LCT: variants seen among roughly 807,000 people sequenced by gnomAD.
LCT encodes the protein lactase.
Under a neutral mutation model 173.0 loss-of-function variants are expected in LCT, and 90 were observed. That is an observed-to-expected ratio of 0.52 (90% confidence interval 0.44 to 0.62). The LOEUF (loss-of-function observed/expected upper bound fraction) is 0.62. LCT is among the 20% of genes least tolerant of loss of function. LCT has a pLI of 0.00. For missense variants in LCT, 1,864 were observed against 2,431.4 expected (o/e 0.77, Z 4.91); for synonymous variants, 853 against 957.6 (o/e 0.89, Z 2.02).
At position 135,834,559 on chromosome 2, in the gene LCT, G is replaced by A. The variant is rs1365044262; in HGVS notation, c.641-1369C>T. Among the ~76,000 whole-genome samples, 5 of 148,920 alleles carry A rather than the reference G, an allele frequency of 3.4e-5. No individual in the cohort carries two copies. In the South Asian group the frequency reaches 6.4e-4, roughly 19 times the overall value. ...TCCCAGCATTTTGGGAGTCCGAGGCGGGCGGATCACCTGAGATCAGAAGTT... is the reference window on the plus strand; with the variant it reads ...TCCCAGCATTTTGGGAGTCCGAGGCAGGCGGATCACCTGAGATCAGAAGTT... On this transcript the variant is annotated intron_variant, in intron 1 of 16. Coordinates refer to ENST00000264162, the MANE Select transcript of LCT (RefSeq NM_002299.4).
intron 7 of LCT, among the ~76,000 whole-genome samples, chr2:135,810,808 T>C (rs1170182059): frequency 1.3e-5 from 2 of 150,464 alleles, no homozygotes; most frequent in East Asian, 1.9e-4. Flanking sequence ...AGGCGGATCA[T>C]GAGGTCAGGA....
At chr2:135,799,020 C>T (rs1440534529) in intron 12 of LCT, among the ~76,000 whole-genome samples, 4 of 152,090 alleles carry the variant, frequency 2.6e-5, no homozygotes, top group African/African-American at 9.7e-5. Flanking sequence ...CGTTTCCTGA[C>T]GTTTGAAGTT....
chr2:135,806,677 G>C (rs925874242), intron 9 of LCT, among the ~76,000 whole-genome samples: 1 of 152,234 alleles, frequency 6.6e-6, no homozygotes, highest in African/African-American at 2.4e-5. Flanking sequence ...GGCTGTACAG[G>C]TTTGTAGCCT....
rs386833836 is a variant in LCT at position 135,794,750 on chromosome 2, TCTCA to T, written c.4998_5001del (p.Ser1666ArgfsTer56). ...TCATAGGTGCCGTTGATCCTCCTCT[TCTCA>T]CTCTCTGTAAATTCTGGCAGCCTGG... On this transcript the variant is annotated frameshift_variant, in exon 14 of 17. Coordinates refer to ENST00000264162, the MANE Select transcript of LCT (RefSeq NM_002299.4). LOFTEE classifies it high-confidence loss of function. 9.9e-6 allele frequency: 16 copies of T among 1,614,030 alleles called. No individual in the cohort carries two copies. Among genetic ancestry groups the T allele is most frequent in the Non-Finnish European group, 8.5e-7 (1 of 1,180,022 alleles).
intron 16 of LCT, 44 bp downstream of exon 16, chr2:135,789,527 C>A: frequency 7.1e-7 from 1 of 1,406,756 alleles, no homozygotes. Flanking sequence ...CTTCCACCTG[C>A]CCTTCACCCT....
chr2:135,824,150 C>T (rs1421433530), intron 3 of LCT, 147 bp from the exon 4 acceptor site: 3 of 694,674 alleles, frequency 4.3e-6, no homozygotes, highest in South Asian at 3.1e-5. Context: ...AAGGAGTCAA[C>T]TCTAGACTCT....
chr2:135,801,664 G>A (rs1159753111), intron 11 of LCT, among the ~76,000 whole-genome samples: 4 of 151,468 alleles, frequency 2.6e-5, no homozygotes, highest in African/African-American at 7.3e-5. Flanking sequence ...GCAGTGAGCC[G>A]AGGGGTTCAA....
chr2:135,836,013 T>C (rs1452713260), intron 1 of LCT, among the ~76,000 whole-genome samples: 1 of 14,030 alleles, frequency 7.1e-5, no homozygotes, highest in East Asian at 2.5e-3. Context: ...TATATATATA[T>C]ATGTATACAT....
At chr2:135,808,168 C>T (rs1671184509) in intron 8 of LCT, among the ~76,000 whole-genome samples, 1 of 152,096 alleles carries the variant, frequency 6.6e-6, no homozygotes, top group Non-Finnish European at 1.5e-5. Context: ...AGAACTTGCT[C>T]AGTAATGAAT....
chr2:135,804,771 G>A lies in LCT; in HGVS notation c.4460C>T (p.Pro1487Leu), dbSNP rs750468354. 1 of 1,612,552 alleles carries A rather than the reference G, an allele frequency of 6.2e-7. No individual in the cohort carries two copies. Residue 1487 changes from proline (P) to leucine (L), a missense_variant, in exon 10 of 17, where the codon CCC becomes CTC. Coordinates refer to ENST00000264162, the MANE Select transcript of LCT (RefSeq NM_002299.4). Reference protein sequence around the residue: ...IDTLLAASIQPQVTIYHWDLP... With the variant: ...IDTLLAASIQLQVTIYHWDLP... ...CCTTGCCAGGACCCACCATACCTGGGGCTGGATGCTGGCGGCCAGCAGTGT... is the reference window on the plus strand; with the variant it reads ...CCTTGCCAGGACCCACCATACCTGGAGCTGGATGCTGGCGGCCAGCAGTGT...
chr2:135,812,674 G>A lies in LCT; in HGVS notation c.1990C>T (p.Pro664Ser). Residue 664 changes from proline to serine, a missense_variant, in exon 7 of 17, where the codon CCC (proline) becomes TCC (serine). Transcript: ENST00000264162. ...TGCTTCTCTGCCTCTGTGAACTCGG[G>A]GAGTTGAGCCACAGGATGGGAGCAC... ...RQCSHPVAQL[P>S]EFTEAEKQLL... The A allele has an allele frequency of 6.2e-7, 1 of 1,613,420 alleles. No individual in the cohort carries two copies. Among genetic ancestry groups the A allele is most frequent in the Non-Finnish European group, 8.5e-7 (1 of 1,179,340 alleles).
intron 9 of LCT, among the ~76,000 whole-genome samples, chr2:135,805,771 TC>T: frequency 6.6e-6 from 1 of 152,176 alleles, no homozygotes; most frequent in East Asian, 1.9e-4. Flanking sequence ...GCTGAAACAT[TC>T]CTATTGCCTA....
Position 135,807,993 on chromosome 2 carries a change from G to A in LCT, c.3904+450C>T, listed in dbSNP as rs559894448. On this transcript the variant is annotated intron_variant, in intron 8 of 16. Transcript: ENST00000264162. ...AAATACAAAAAAATTAGCCGGGCAC[G>A]GTGGCCACTGCACTCCAGCCTGGGT... 3.3e-5 allele frequency among the ~76,000 whole-genome samples: 5 copies of A among 150,834 alleles called. No individual in the cohort carries two copies. The South Asian group carries it at 8.4e-4, about 25-fold the overall frequency.
intron 11 of LCT, 140 bp from the exon 12 acceptor site, chr2:135,800,949 C>A: frequency 1.4e-6 from 1 of 696,874 alleles, no homozygotes; most frequent in Non-Finnish European, 2.6e-6. Context: ...GGAATTCAAA[C>A]CCTGGCTCTC....
In LCT at chr2:135,836,820, A is replaced by G. The variant is rs1277765397; in HGVS notation, c.350T>C (p.Leu117Pro). Reference sequence around the variant, plus strand: ...AAGCCGTGCAGTCTTGAGGGCCTTGAGGAGTCGCCGGTAGCACTGCACTGT... The same window carrying G: ...AAGCCGTGCAGTCTTGAGGGCCTTGGGGAGTCGCCGGTAGCACTGCACTGT... Reference protein sequence around the residue: ...EKTVQCYRRLLKALKTARLQP... With the variant: ...EKTVQCYRRLPKALKTARLQP... Residue 117 changes from leucine (L) to proline (P), a missense_variant, in exon 1 of 17, where the codon CTC becomes CCC. By Grantham distance (98) the Leu-to-Pro change is moderately conservative. Transcript: ENST00000264162. The G allele has an allele frequency of 6.2e-7, 1 of 1,614,178 alleles. No individual in the cohort carries two copies. Among genetic ancestry groups the G allele is most frequent in the African/African-American group, 1.3e-5 (1 of 75,048 alleles).
intron 7 of LCT, among the ~76,000 whole-genome samples, chr2:135,810,925 G>A (rs925725972): frequency 1.3e-5 from 2 of 152,162 alleles, no homozygotes; most frequent in Middle Eastern, 3.4e-3. Context: ...TACTCAGGAG[G>A]CTGAGGCAGG....
chr2:135,835,915 AAGAC>A (rs1409126769), intron 1 of LCT, among the ~76,000 whole-genome samples: 1 of 148,424 alleles, frequency 6.7e-6, no homozygotes, highest in Non-Finnish European at 1.5e-5. Context: ...GGAAGACAGA[AAGAC>A]AATCAGTGCT....
chr2:135,826,660 A>T (rs765186903), intron 3 of LCT, among the ~76,000 whole-genome samples: 3 of 152,180 alleles, frequency 2.0e-5, no homozygotes, highest in Non-Finnish European at 2.9e-5. Context: ...TGTCAGAGGC[A>T]CGCCACCTCC....
In LCT at chr2:135,821,274, C is replaced by A. The variant is rs182208445; in HGVS notation, c.986+746G>T. Among the ~76,000 whole-genome samples the A allele has an allele frequency of 3.3e-5, 5 of 152,298 alleles. No individual in the cohort carries two copies. The East Asian group carries it at 9.7e-4, about 29-fold the overall frequency. On this transcript the variant is annotated intron_variant, in intron 5 of 16. Coordinates refer to ENST00000264162, the MANE Select transcript of LCT (RefSeq NM_002299.4). The stretch of plus-strand genomic sequence containing the variant: ...TTTACAACCCCACCATAGATTCAAA[C>A]CTCTGTCCCTAGAATGTTGTCAAGT...
Sources: gnomAD v4.1 joint callset for allele counts (sites outside exome capture counted in the v4.1 genomes callset) on GRCh38, gnomAD v4.1.1 for gene constraint, MANE v1.5 for transcripts, NCBI Gene and HGNC (gene_info 2026-07-23, HGNC 2026-07-21) for gene names.